NECAB1: variants seen among roughly 807,000 people sequenced by gnomAD.
NECAB1 encodes the protein N-terminal EF-hand calcium binding protein 1, also known as N-terminal EF-hand calcium-binding protein 1.
A neutral mutation model predicts 57.5 loss-of-function variants in NECAB1; 29 were observed. That is an observed-to-expected ratio of 0.50 (90% CI 0.38 to 0.69). NECAB1 has a LOEUF of 0.69. Ranked by LOEUF, NECAB1 falls within the 30% of genes least tolerant of loss-of-function variation. The probability of loss-of-function intolerance (pLI) is 0.00; values close to 1 mark genes in which losing one functional copy is unlikely to be tolerated. For synonymous variants in NECAB1, 142 were observed against 147.7 expected, an observed-to-expected ratio of 0.96 and a Z score of 0.28; for missense variants, 372 against 413.8, an observed-to-expected ratio of 0.90 and a Z score of 0.88.
rs192164295 is a variant in NECAB1 at position 90,956,022 on chromosome 8, A to G, written c.*510A>G. On this transcript the variant is annotated 3_prime_UTR_variant, in exon 13 of 13. Transcript: ENST00000417640. The stretch of plus-strand genomic sequence containing the variant: ...CCCAACTCACAGCCCTATGACTACT[A>G]TCTTTGCATTAGTTAAAAAGTTAGT... 11 of 152,380 alleles carry G rather than the reference A, an allele frequency of 7.2e-5. No individual in the cohort carries two copies. The highest frequency in any genetic ancestry group is 2.4e-4 in the African/African-American group (10 of 41,562). 9.4% of individuals were successfully genotyped at this position (152,380 alleles called of 1,614,324 possible).
At position 90,857,770 on chromosome 8, in the gene NECAB1, C is replaced by T. The variant is rs1163569594; in HGVS notation, c.234-14358C>T. On this transcript the variant is annotated intron_variant, in intron 3 of 12. Coordinates refer to ENST00000417640, the MANE Select transcript of NECAB1 (RefSeq NM_022351.5). ...TTTTCAATCTTTCATGAAATTGGAC[C>T]TCTTAGTCATTTAAAGAGCAGGAGA... Among the ~76,000 whole-genome samples the T allele has an allele frequency of 2.6e-5, 4 of 152,058 alleles. No individual in the cohort carries two copies. The East Asian group carries it at 7.7e-4, about 29-fold the overall frequency.
chr8:90,872,406 G>A (rs914557385), intron 4 of NECAB1: 18 of 347,682 alleles, frequency 5.2e-5, no homozygotes, highest in Middle Eastern at 7.6e-4. Flanking sequence ...CATTAGTTTC[G>A]CAAGAGCAAA....
Position 90,922,578 on chromosome 8 carries a change from C to T in NECAB1, c.495-2957C>T, listed in dbSNP as rs558140230. Among the ~76,000 whole-genome samples, 11 of 145,592 alleles carry T rather than the reference C, an allele frequency of 7.6e-5. No individual in the cohort carries two copies. The East Asian group carries it at 1.7e-3, about 23-fold the overall frequency. On this transcript the variant is annotated intron_variant, in intron 6 of 12. Coordinates refer to ENST00000417640, the MANE Select transcript of NECAB1 (RefSeq NM_022351.5). ...CACAATCTCTGCTCACTGCAACCTCCGCCTCCCGGGTTCAAGCAATTCTCC... is the reference window on the plus strand; with the variant it reads ...CACAATCTCTGCTCACTGCAACCTCTGCCTCCCGGGTTCAAGCAATTCTCC...
intron 1 of NECAB1, among the ~76,000 whole-genome samples, chr8:90,793,150 C>A (rs1156683517): frequency 2.0e-5 from 3 of 152,180 alleles, no homozygotes; most frequent in Non-Finnish European, 4.4e-5. Flanking sequence ...CAATTAGTAT[C>A]ATAATGGTGA....
chr8:90,886,635 T>G lies in NECAB1; in HGVS notation c.357+5505T>G, dbSNP rs958535109. Among the ~76,000 whole-genome samples, 6 of 152,240 alleles carry G rather than the reference T, an allele frequency of 3.9e-5. No homozygotes were observed. In the South Asian group the frequency reaches 1.2e-3, roughly 32 times the overall value. ...CCTGAGCTCAGGTGATCCATCCACT[T>G]TAGCCTTCCAAAGTGCTGGGATTAC... On this transcript the variant is annotated intron_variant, in intron 5 of 12. Coordinates refer to ENST00000417640, the MANE Select transcript of NECAB1 (RefSeq NM_022351.5).
chr8:90,851,991 AG>A (rs1812692401), intron 3 of NECAB1, among the ~76,000 whole-genome samples: 1 of 151,936 alleles, frequency 6.6e-6, no homozygotes, highest in African/African-American at 2.4e-5. Context: ...CCCAGTACAC[AG>A]GCTCCAATGT....
intron 3 of NECAB1, among the ~76,000 whole-genome samples, chr8:90,849,706 T>G (rs1812646095): frequency 7.3e-6 from 1 of 136,614 alleles, no homozygotes; most frequent in Non-Finnish European, 1.6e-5. Context: ...TTTTTTTTTT[T>G]TTTTTGGAAT....
chr8:90,939,551 G>A (rs970132983), intron 9 of NECAB1, among the ~76,000 whole-genome samples: 6 of 152,150 alleles, frequency 3.9e-5, no homozygotes, highest in African/African-American at 9.7e-5. Flanking sequence ...GGAATAGGTG[G>A]ATGTATTTAT....
intron 3 of NECAB1, among the ~76,000 whole-genome samples, chr8:90,840,767 G>A (rs1159075753): frequency 1.3e-5 from 2 of 151,994 alleles, no homozygotes; most frequent in Non-Finnish European, 2.9e-5. Flanking sequence ...GCCGGCTCTT[G>A]GGTTCACAAC....
At chr8:90,854,517 C>T (rs2129787940) in intron 3 of NECAB1, among the ~76,000 whole-genome samples, 1 of 152,274 alleles carries the variant, frequency 6.6e-6, no homozygotes, top group Middle Eastern at 3.4e-3. Context: ...TCCTGAAAAC[C>T]TGTCCCCTAA....
chr8:90,843,241 G>A (rs1161198211), intron 3 of NECAB1, among the ~76,000 whole-genome samples: 9 of 152,184 alleles, frequency 5.9e-5, no homozygotes. Flanking sequence ...CATAGCACAT[G>A]GGGATTATGG....
chr8:90,832,485 A>G (rs1274627190), intron 3 of NECAB1, among the ~76,000 whole-genome samples: 1 of 152,164 alleles, frequency 6.6e-6, no homozygotes, highest in Non-Finnish European at 1.5e-5. Context: ...ATTTTTTGGA[A>G]AAAGAAAAAC....
Position 90,860,559 on chromosome 8 carries a change from C to G in NECAB1, c.234-11569C>G, listed in dbSNP as rs1812883237. 2.0e-5 allele frequency among the ~76,000 whole-genome samples: 3 copies of G among 152,078 alleles called. No individual in the cohort carries two copies. In the South Asian group the frequency reaches 6.2e-4, roughly 32 times the overall value. On this transcript the variant is annotated intron_variant, in intron 3 of 12. Coordinates refer to ENST00000417640, the MANE Select transcript of NECAB1 (RefSeq NM_022351.5). ...GTTTCAAGGATAGATTTAGGACATC[C>G]TCAGATCACCAAGCTAGTTTTTCTG... is the stretch of plus-strand genomic sequence containing the variant.
chr8:90,800,365 G>A (rs766450109), intron 1 of NECAB1, among the ~76,000 whole-genome samples: 7 of 152,074 alleles, frequency 4.6e-5, no homozygotes, highest in African/African-American at 9.7e-5. Flanking sequence ...GTGAGAGTGG[G>A]CGTCCTTGTC....
chr8:90,807,005 G>A (rs184811379), intron 2 of NECAB1, among the ~76,000 whole-genome samples: 2 of 151,996 alleles, frequency 1.3e-5, no homozygotes, highest in Non-Finnish European at 2.9e-5. Flanking sequence ...TCACTTTGTT[G>A]TATATGCACC....
At chr8:90,941,008 C>A in intron 10 of NECAB1, 110 bp downstream of exon 10, 1 of 782,466 alleles carries the variant, frequency 1.3e-6, no homozygotes, top group Admixed American at 2.2e-5. Flanking sequence ...ATTTGAGAAT[C>A]CTCACATTAA....
At chr8:90,888,462 T>C (rs768984846) in intron 5 of NECAB1, among the ~76,000 whole-genome samples, 4 of 152,130 alleles carry the variant, frequency 2.6e-5, no homozygotes, top group Non-Finnish European at 5.9e-5. Context: ...AGAATTAAAT[T>C]TGATATGACT....
intron 9 of NECAB1, among the ~76,000 whole-genome samples, chr8:90,936,766 T>A (rs1287032879): frequency 6.6e-6 from 1 of 152,174 alleles, no homozygotes; most frequent in Non-Finnish European, 1.5e-5. Context: ...AGCCGTTACA[T>A]AATGATGAGT....
At chr8:90,929,642 A>T (rs532122086) in intron 8 of NECAB1, among the ~76,000 whole-genome samples, 1 of 152,214 alleles carries the variant, frequency 6.6e-6, no homozygotes. Context: ...GGAGGGGGAA[A>T]AGTCTTGATA....
Sources: allele counts gnomAD v4.1 joint callset (sites outside exome capture counted in the v4.1 genomes callset), GRCh38; gene constraint gnomAD v4.1.1; transcripts MANE v1.5; gene names NCBI Gene and HGNC (gene_info 2026-07-23, HGNC 2026-07-21).